Variants in VDAC1 observed in about 807,000 individuals in gnomAD.
VDAC1 encodes the protein non-selective voltage-gated ion channel VDAC1.
A neutral mutation model predicts 34.7 loss-of-function variants in VDAC1; 10 were observed. The observed-to-expected ratio is 0.29, with a 90% CI of 0.18 to 0.49. VDAC1 has a LOEUF of 0.49. Ranked by LOEUF, VDAC1 falls within the 20% of genes least tolerant of loss-of-function variation. The pLI, the probability that VDAC1 is intolerant of heterozygous loss-of-function variation, is 0.99. For missense variants in VDAC1, 230 were observed against 347.9 expected, an observed-to-expected ratio of 0.66 and a Z score of 2.69; for synonymous variants, 130 against 136.0, an observed-to-expected ratio of 0.96 and a Z score of 0.30.
chr5:134,112,296 ACT>A, the VDAC1 span, among the ~76,000 whole-genome samples: 3 of 152,146 alleles, frequency 2.0e-5, no homozygotes, highest in Middle Eastern at 6.8e-3. Flanking sequence ...GGCTCTAATA[ACT>A]CTTCAGCTTC....
chr5:133,976,230 G>T, intron 6 of VDAC1: 1 of 552,440 alleles, frequency 1.8e-6, no homozygotes, highest in Non-Finnish European at 3.2e-6. Flanking sequence ...ACCTAGCCAG[G>T]CACAGTGGCT....
the VDAC1 span, among the ~76,000 whole-genome samples, chr5:134,037,994 G>A: frequency 2.0e-5 from 3 of 152,146 alleles, no homozygotes; most frequent in Non-Finnish European, 4.4e-5. Flanking sequence ...CAAAATACAA[G>A]AATTTGTAAA....
chr5:134,104,232 C>T, the VDAC1 span, among the ~76,000 whole-genome samples: 1 of 152,208 alleles, frequency 6.6e-6, no homozygotes, highest in Non-Finnish European at 1.5e-5. Context: ...AGCCCTTCCC[C>T]TCATCCCTCA....
the VDAC1 span, among the ~76,000 whole-genome samples, chr5:134,025,738 C>T: frequency 2.0e-5 from 3 of 152,092 alleles, no homozygotes; most frequent in Middle Eastern, 6.8e-3. Flanking sequence ...TACAGGTGCA[C>T]ACCACCATGC....
At chr5:134,101,645 C>T in the VDAC1 span, among the ~76,000 whole-genome samples, 1 of 152,032 alleles carries the variant, frequency 6.6e-6, no homozygotes, top group Non-Finnish European at 1.5e-5. Flanking sequence ...TGTGAGTTAA[C>T]ATTGTTCCTG....
At chr5:133,991,245 A>C in intron 3 of VDAC1, 91 bp from the exon 4 acceptor site, 2 of 1,533,176 alleles carry the variant, frequency 1.3e-6, no homozygotes, top group Non-Finnish European at 1.8e-6. Context: ...TTTCTGCAAG[A>C]GGCAAGACCC....
the VDAC1 span, among the ~76,000 whole-genome samples, chr5:134,041,945 A>G: frequency 1.3e-5 from 2 of 152,218 alleles, no homozygotes; most frequent in Non-Finnish European, 2.9e-5. Context: ...TGCAGCTTCA[A>G]AACAAATCAA....
At chr5:133,995,534 C>T (rs1273109158) in intron 1 of VDAC1, among the ~76,000 whole-genome samples, 1 of 152,074 alleles carries the variant, frequency 6.6e-6, no homozygotes, top group African/African-American at 2.4e-5. Flanking sequence ...AAGTCCACTC[C>T]TGGGCCTGAA....
At chr5:134,102,166 AG>A in the VDAC1 span, among the ~76,000 whole-genome samples, 3 of 151,784 alleles carry the variant, frequency 2.0e-5, no homozygotes, top group Admixed American at 6.6e-5. Flanking sequence ...TCCAGCCACC[AG>A]GGGGGGTCTG....
At chr5:134,096,638 C>A in the VDAC1 span, among the ~76,000 whole-genome samples, 1 of 151,350 alleles carries the variant, frequency 6.6e-6, no homozygotes, top group African/African-American at 2.4e-5. Context: ...CAGGGTCTCA[C>A]TCTGTCACCT....
chr5:134,109,721 G>T, the VDAC1 span, among the ~76,000 whole-genome samples: 344 of 149,014 alleles, frequency 2.3e-3, 1 homozygote, highest in Non-Finnish European at 3.4e-3. Context: ...AGTGAGCCGA[G>T]ATCGTGCCAC....
chr5:134,053,122 AAAG>A, the VDAC1 span, among the ~76,000 whole-genome samples: 1 of 152,090 alleles, frequency 6.6e-6, no homozygotes, highest in African/African-American at 2.4e-5. Context: ...TCTCAAAAAA[AAAG>A]AAGAAAGAAA....
At chr5:134,000,219 C>T (rs1235558330) in intron 1 of VDAC1, among the ~76,000 whole-genome samples, 2 of 152,218 alleles carry the variant, frequency 1.3e-5, no homozygotes, top group Non-Finnish European at 2.9e-5. Flanking sequence ...AGGCTGATGG[C>T]CCTGTGTTCT....
chr5:134,018,362 G>C, the VDAC1 span, among the ~76,000 whole-genome samples: 2 of 152,148 alleles, frequency 1.3e-5, no homozygotes, highest in Non-Finnish European at 2.9e-5. Flanking sequence ...ATTCACGAGG[G>C]ATCTGCCCCC....
the VDAC1 span, among the ~76,000 whole-genome samples, chr5:134,086,261 A>T: frequency 6.6e-6 from 1 of 152,234 alleles, no homozygotes; most frequent in Non-Finnish European, 1.5e-5. Flanking sequence ...ACTGCTTTAG[A>T]AAGAAAAAAC....
At chr5:134,050,251 G>T in the VDAC1 span, among the ~76,000 whole-genome samples, 1 of 151,994 alleles carries the variant, frequency 6.6e-6, no homozygotes, top group Non-Finnish European at 1.5e-5. Context: ...CCGTCTAAAA[G>T]AAAATAAATA....
At chr5:134,086,387 C>T in the VDAC1 span, among the ~76,000 whole-genome samples, 1 of 152,144 alleles carries the variant, frequency 6.6e-6, no homozygotes, top group African/African-American at 2.4e-5. Flanking sequence ...AGAACTTAAA[C>T]ACAACCACAG....
chr5:134,095,275 AG>A, the VDAC1 span, among the ~76,000 whole-genome samples: 160 of 152,216 alleles, frequency 1.1e-3, no homozygotes, highest in Middle Eastern at 3.4e-3. Context: ...TGATGCCAGG[AG>A]TTCGAGACCA....
chr5:134,055,588 G>GTTTTTTTTTTTTTTTTTTTTT, the VDAC1 span, among the ~76,000 whole-genome samples: 16 of 59,612 alleles, frequency 2.7e-4, no homozygotes, highest in East Asian at 1.4e-3. Flanking sequence ...CCCCGCTAAT[G>GTTTTTTTTTTTTTTTTTTTTT]TTTTTTTTTT....
Sources: allele counts gnomAD v4.1 joint callset (sites outside exome capture counted in the v4.1 genomes callset), GRCh38; gene constraint gnomAD v4.1.1; transcripts MANE v1.5; gene names NCBI Gene and HGNC (gene_info 2026-07-23, HGNC 2026-07-21).